FAM117A: variants seen among roughly 807,000 people sequenced by gnomAD.
The protein encoded by FAM117A is protein FAM117A.
A neutral mutation model predicts 44.1 loss-of-function variants in FAM117A; 21 were observed. The observed-to-expected ratio is 0.48, with a 90% CI of 0.34 to 0.69. The LOEUF (loss-of-function observed/expected upper bound fraction) is 0.69, where lower values mean the gene tolerates loss of function less well. Ranked by LOEUF, FAM117A falls within the 30% of genes least tolerant of loss-of-function variation. The probability of loss-of-function intolerance (pLI) is 0.01; values close to 1 mark genes in which losing one functional copy is unlikely to be tolerated. For synonymous variants in FAM117A, 220 were observed against 238.3 expected (o/e 0.92, Z 0.71); for missense variants, 498 against 589.9 (o/e 0.84, Z 1.61).
chr17:49,789,032 A>G (rs1015288043), upstream of FAM117A: 11 of 473,492 alleles, frequency 2.3e-5, no homozygotes, highest in East Asian at 1.4e-4. Flanking sequence ...GCCTCGGCCT[A>G]TGCTTGCAAC....
At chr17:49,736,870 A>G (rs2073612949) in intron 1 of FAM117A, among the ~76,000 whole-genome samples, 1 of 152,252 alleles carries the variant, frequency 6.6e-6, no homozygotes, top group Admixed American at 6.5e-5. Flanking sequence ...TCTCTTGAGG[A>G]ATAGGGTATT....
chr17:49,725,783 C>A (rs1255646709), intron 2 of FAM117A, among the ~76,000 whole-genome samples: 1 of 152,196 alleles, frequency 6.6e-6, no homozygotes, highest in Non-Finnish European at 1.5e-5. Flanking sequence ...AACGTTTTTG[C>A]AGATGTATTA....
At chr17:49,740,652 T>C (rs1317747801) in intron 1 of FAM117A, among the ~76,000 whole-genome samples, 2 of 152,182 alleles carry the variant, frequency 1.3e-5, no homozygotes, top group African/African-American at 4.8e-5. Context: ...GCAAGGCTGA[T>C]GCAAATTCTC....
chr17:49,719,431 C>T (rs1320188879), intron 5 of FAM117A, among the ~76,000 whole-genome samples: 2 of 152,150 alleles, frequency 1.3e-5, no homozygotes, highest in African/African-American at 2.4e-5. Flanking sequence ...GCGCCCATGC[C>T]GGTGCCGAGC....
At chr17:49,786,853 G>C (rs1449377676) in intron 1 of FAM117A, among the ~76,000 whole-genome samples, 1 of 151,958 alleles carries the variant, frequency 6.6e-6, no homozygotes, top group African/African-American at 2.4e-5. Context: ...ACTCTGGAAG[G>C]CCGAGACAGT....
chr17:49,772,614 T>G (rs1363611232), intron 1 of FAM117A, among the ~76,000 whole-genome samples: 1 of 151,856 alleles, frequency 6.6e-6, no homozygotes, highest in Middle Eastern at 3.4e-3. Flanking sequence ...TAGCCGGGTG[T>G]GGTGGTGGGC....
chr17:49,733,001 T>C, intron 1 of FAM117A: 1 of 388,242 alleles, frequency 2.6e-6, no homozygotes, highest in Non-Finnish European at 4.8e-6. Flanking sequence ...CTGCTCCTAA[T>C]GGACTATGAA....
At position 49,720,330 on chromosome 17, in the gene FAM117A, A is replaced by G. The variant is rs114735329; in HGVS notation, c.569T>C (p.Leu190Pro). 1.1e-4 allele frequency: 177 copies of G among 1,612,226 alleles called. No individual in the cohort carries two copies. Among genetic ancestry groups the G allele is most frequent in the East Asian group, 9.6e-4 (43 of 44,874 alleles). ...GGGCTGGGGGAGAAAACATACCCTC[A>G]GTGCTCCCCGCACTGCGTGGTCCCC... The part of the protein sequence containing the change: ...LLGDHAVRGA[L>P]RASPPSFPSG... The change falls in exon 4 of 8, where the codon CTG becomes CCG. Residue 190 changes from leucine to proline, a missense_variant. By Grantham distance (98) the Leu-to-Pro change is moderately conservative. This residue lies in a region of FAM117A where 270 missense variants were observed against 277.4 expected (regional missense o/e 0.97). Coordinates refer to ENST00000240364, the MANE Select transcript of FAM117A (RefSeq NM_030802.4).
At chr17:49,731,618 C>T (rs77823006) in intron 2 of FAM117A, among the ~76,000 whole-genome samples, 1,672 of 152,270 alleles carry the variant, frequency 0.011, 32 homozygotes, top group East Asian at 0.1. Flanking sequence ...AAATCCCAGT[C>T]GGGGCTGCTG....
chr17:49,776,245 A>C (rs557152250), intron 1 of FAM117A, among the ~76,000 whole-genome samples: 1 of 152,286 alleles, frequency 6.6e-6, no homozygotes, highest in South Asian at 2.1e-4. Context: ...AATCATCCCC[A>C]TTTCACAGGT....
intron 3 of FAM117A, among the ~76,000 whole-genome samples, chr17:49,721,023 A>G (rs962795445): frequency 1.1e-4 from 16 of 152,238 alleles, no homozygotes; most frequent in Middle Eastern, 3.4e-3. Context: ...CTACCCCTCT[A>G]TAAATAGCAA....
intron 1 of FAM117A, among the ~76,000 whole-genome samples, chr17:49,778,114 G>C (rs1277079795): frequency 6.6e-6 from 1 of 152,182 alleles, no homozygotes; most frequent in East Asian, 1.9e-4. Context: ...CCATTGTGTA[G>C]CTATTGTCTA....
chr17:49,732,687 G>A lies in FAM117A; in HGVS notation c.230C>T (p.Ser77Leu). The change falls in exon 2 of 8, where the codon TCA becomes TTA. Residue 77 changes from serine to leucine, a missense_variant. Physicochemically the swap from Ser to Leu is moderately radical, Grantham distance 145. Transcript: ENST00000240364. ...SVPCSVAPEK[S>L]VCRPQPLQVR... ...CTGAAGTGGCTGAGGCCTACACACT[G>A]ACTTTTCTGGGGCCACCGAGCATGG... 1.2e-6 allele frequency: 2 copies of A among 1,613,898 alleles called. No homozygotes were observed. Among genetic ancestry groups the A allele is most frequent in the African/African-American group, 2.7e-5 (2 of 75,026 alleles).
At chr17:49,713,651 C>T (rs1280551284) in intron 7 of FAM117A, among the ~76,000 whole-genome samples, 1 of 151,996 alleles carries the variant, frequency 6.6e-6, no homozygotes, top group Non-Finnish European at 1.5e-5. Context: ...GGATTACAGG[C>T]ACCCACCACC....
chr17:49,780,196 T>C (rs1162901835), intron 1 of FAM117A, among the ~76,000 whole-genome samples: 1 of 152,216 alleles, frequency 6.6e-6, no homozygotes, highest in Non-Finnish European at 1.5e-5. Context: ...GAGGAACCCG[T>C]TCCTAGCCCC....
intron 1 of FAM117A, among the ~76,000 whole-genome samples, chr17:49,787,157 A>G (rs371676733): frequency 2.0e-5 from 3 of 152,360 alleles, no homozygotes; most frequent in Non-Finnish European, 4.4e-5. Flanking sequence ...TTAATGTAAG[A>G]GATCCTTACC....
At chr17:49,770,385 AAAG>A (rs1176575472) in intron 1 of FAM117A, among the ~76,000 whole-genome samples, 1 of 152,168 alleles carries the variant, frequency 6.6e-6, no homozygotes, top group African/African-American at 2.4e-5. Context: ...ATGCTAAATG[AAAG>A]AAGCCAGGCG....
At chr17:49,732,788 C>CA in intron 1 of FAM117A, 68 bp from the exon 2 acceptor site, 1 of 1,527,870 alleles carries the variant, frequency 6.5e-7, no homozygotes. Context: ...AATCACCTTC[C>CA]TCTTCTAAGA....
At chr17:49,762,533 C>T (rs1411928662) in intron 1 of FAM117A, among the ~76,000 whole-genome samples, 2 of 152,184 alleles carry the variant, frequency 1.3e-5, no homozygotes, top group Non-Finnish European at 2.9e-5. Flanking sequence ...CTCAGAGATC[C>T]TCTTAAGCCC....
Sources: gnomAD v4.1 joint callset for allele counts (sites outside exome capture counted in the v4.1 genomes callset) on GRCh38, gnomAD v4.1.1 for gene constraint, gnomAD v4.1.1 regional missense constraint, MANE v1.5 for transcripts, NCBI Gene and HGNC (gene_info 2026-07-23, HGNC 2026-07-21) for gene names.